Variants in TTN observed in about 807,000 individuals in gnomAD.
TTN encodes connectin.
A neutral mutation model predicts 3,223.0 loss-of-function variants in TTN; 1,525 were observed. The ratio of observed to expected loss-of-function variants is 0.47; its 90% CI spans 0.45 to 0.49. The LOEUF is 0.49. Among genes scored for constraint, TTN ranks in the 20% least tolerant of loss-of-function variants. TTN has a pLI of 0.00. For missense variants in TTN, 40,786 were observed against 43,424.0 expected, an observed-to-expected ratio of 0.94 and a Z score of 5.40; for synonymous variants, 14,094 against 15,161.0, an observed-to-expected ratio of 0.93 and a Z score of 5.17.
At position 178,779,255 on chromosome 2, in the gene TTN, T is replaced by G; in HGVS notation, c.3937A>C (p.Lys1313Gln). 6.2e-7 allele frequency: 1 copy of G among 1,613,862 alleles called. No homozygotes were observed. Among genetic ancestry groups the G allele is most frequent in the Non-Finnish European group, 8.5e-7 (1 of 1,179,852 alleles). ...LEGMGVTFHC[K>Q]MSGYPLPKIA... is the part of the protein sequence containing the mutation. ...TTTGGTAATGGATATCCAGACATCT[T>G]GCAATGAAAAGTGACACCCATCCCC... Residue 1313 changes from lysine to glutamine, a missense_variant, in exon 23 of 363, where the codon AAG (lysine) becomes CAG (glutamine). Coordinates refer to ENST00000589042, the MANE Select transcript of TTN (RefSeq NM_001267550.2).
At position 178,799,825 on chromosome 2, in the gene TTN, C is replaced by T. The variant is rs780588584; in HGVS notation, c.669G>A (p.Lys223=). 7.4e-6 allele frequency: 12 copies of T among 1,614,004 alleles called. No individual in the cohort carries two copies. Among genetic ancestry groups the T allele is most frequent in the Non-Finnish European group, 9.3e-6 (11 of 1,180,024 alleles). The change falls in exon 5 of 363, where the codon AAG becomes AAA. Residue 223 remains lysine (K), a splice_region_variant and synonymous_variant. Coordinates refer to ENST00000589042, the MANE Select transcript of TTN (RefSeq NM_001267550.2). ...GAAAACCAACAGTATAGAAAAATAC[C>T]TTTTCAATTCGGGTTTGTCTTGATT... ...ISESRQTRIE[K]KIEAHFDARS... is the part of the protein sequence containing the mutation.
chr2:178,733,640 G>A lies in TTN; in HGVS notation c.15749C>T (p.Thr5250Ile), dbSNP rs759384825. The change falls in exon 53 of 363, where the codon ACA becomes ATA. Residue 5250 changes from threonine (T) to isoleucine (I), a missense_variant. Physicochemically the swap from Thr to Ile is moderately conservative, Grantham distance 89. Coordinates refer to ENST00000589042, the MANE Select transcript of TTN (RefSeq NM_001267550.2). ...TTTAACTATTAATTCCCCAACAGAT[G>A]TTTGGCTTCCAGCTTCATTTTCAGC... ...CLAENEAGSQTSVGELIVKEP... is the reference protein window; with the variant it reads ...CLAENEAGSQISVGELIVKEP... 21 of 1,612,502 alleles carry A rather than the reference G, an allele frequency of 1.3e-5. No individual in the cohort carries two copies. In the East Asian group the frequency reaches 1.6e-4, roughly 12 times the overall value.
At position 178,552,729 on chromosome 2, in the gene TTN, A is replaced by G. The variant is rs774509104; in HGVS notation, c.90171T>C (p.Asp30057=). 4.3e-6 allele frequency: 7 copies of G among 1,613,950 alleles called. No homozygotes were observed. Among genetic ancestry groups the G allele is most frequent in the Non-Finnish European group, 5.9e-6 (7 of 1,179,840 alleles). ...VILSWTKPDF[D]GGSVITEYVV... ...CATATTCTGTGATGACGCTACCACC[A>G]TCAAAGTCAGGTTTGGTCCAGCTGA... Residue 30057 remains aspartate, a synonymous_variant, in exon 335 of 363, where the codon GAT becomes GAC. Coordinates refer to ENST00000589042, the MANE Select transcript of TTN (RefSeq NM_001267550.2).
At position 178,685,706 on chromosome 2, in the gene TTN, C is replaced by G. The variant is rs377524177; in HGVS notation, c.32312-108G>C. 3.0e-4 allele frequency: 301 copies of G among 1,020,242 alleles called. No homozygotes were observed. The African/African-American group carries it at 4.4e-3, about 15-fold the overall frequency. 63.2% of individuals were successfully genotyped at this position (1,020,242 alleles called of 1,614,324 possible). A position where few individuals can be genotyped will look rare whatever the true frequency, so the allele number is the denominator to read the frequency against. Reference sequence around the variant, plus strand: ...TAATCAAAATAGCAAAAGTTTAACCCTTGCCAAACCCCTGCTTGTTCCTAT... The same window carrying G: ...TAATCAAAATAGCAAAAGTTTAACCGTTGCCAAACCCCTGCTTGTTCCTAT... On this transcript the variant is annotated intron_variant, in intron 127 of 362. Coordinates refer to ENST00000589042, the MANE Select transcript of TTN (RefSeq NM_001267550.2).
rs777835990 is a variant in TTN, at chr2:178,701,487, AT to A, written c.30598+40del. The stretch of plus-strand genomic sequence containing the variant: ...TCGTACAGATTCCTAGTGCTAGAAT[AT>A]TGCTGCTCCAAGCTCAGATGTTGAG... On this transcript the variant is annotated intron_variant, in intron 110 of 362. Transcript: ENST00000589042. 4 of 1,592,382 alleles carry A rather than the reference AT, an allele frequency of 2.5e-6. No homozygotes were observed. In the African/African-American group the frequency reaches 5.4e-5, roughly 22 times the overall value.
intron 8 of TTN, 50 bp from the exon 9 acceptor site, chr2:178,793,591 A>C: frequency 6.2e-7 from 1 of 1,608,194 alleles, no homozygotes; most frequent in Non-Finnish European, 8.5e-7. Context: ...TCTTACATAA[A>C]AATTAGTTCA....
rs1237617416 is a variant in TTN, at chr2:178,567,682, C to T, written c.78450G>A (p.Val26150=). Residue 26150 remains valine, a synonymous_variant, in exon 326 of 363, where the codon GTG becomes GTA. Coordinates refer to ENST00000589042, the MANE Select transcript of TTN (RefSeq NM_001267550.2). ...ATCTTTGATCTTCAGTAAGACCTGA[C>T]ACAGTAAATTGAGTTTCAATGACAT... ...FTNVIETQFT[V]SGLTEDQRYE... The T allele has an allele frequency of 5.0e-6, 8 of 1,612,204 alleles. No individual in the cohort carries two copies. Among genetic ancestry groups the T allele is most frequent in the Non-Finnish European group, 6.8e-6 (8 of 1,178,746 alleles).
chr2:178,793,147 T>G (rs2093600200), intron 9 of TTN, among the ~76,000 whole-genome samples: 1 of 152,210 alleles, frequency 6.6e-6, no homozygotes, highest in African/African-American at 2.4e-5. Flanking sequence ...CATCCCCAGA[T>G]CAATGTGATG....
Position 178,593,201 on chromosome 2 carries a change from G to C in TTN, c.59007C>G (p.Ser19669=), listed in dbSNP as rs139656306. 15 of 1,613,238 alleles carry C rather than the reference G, an allele frequency of 9.3e-6. No homozygotes were observed. Among genetic ancestry groups the C allele is most frequent in the African/African-American group, 1.3e-5 (1 of 74,884 alleles). ...EIGIGDPSPP[S]KPVFAKDPIA... ...TTGGATCTTTAGCAAAGACTGGTTTGGATGGTGGGCTTGGATCTCCAATAC... is the reference window on the plus strand; with the variant it reads ...TTGGATCTTTAGCAAAGACTGGTTTCGATGGTGGGCTTGGATCTCCAATAC... Residue 19669 remains serine, a synonymous_variant, in exon 299 of 363, where the codon TCC becomes TCG. Coordinates refer to ENST00000589042, the MANE Select transcript of TTN (RefSeq NM_001267550.2).
chr2:178,665,456 T>C lies in TTN; in HGVS notation c.35964A>G (p.Pro11988=). 6.2e-7 allele frequency: 1 copy of C among 1,612,244 alleles called. No individual in the cohort carries two copies. Among genetic ancestry groups the C allele is most frequent in the Non-Finnish European group, 8.5e-7 (1 of 1,179,430 alleles). ...CAGGGACAACTTCTTTCATAGCTTCTGGTGCTTTGAAGATATTAGTATTAT... is the reference window on the plus strand; with the variant it reads ...CAGGGACAACTTCTTTCATAGCTTCCGGTGCTTTGAAGATATTAGTATTAT... The part of the protein sequence containing the change: ...LEIEIPPTKA[P]EAMKEVVPEM... Residue 11988 remains proline, a synonymous_variant, in exon 165 of 363, where the codon CCA becomes CCG. Transcript: ENST00000589042.
At chr2:178,697,664 T>C (rs145454385) in intron 112 of TTN, among the ~76,000 whole-genome samples, 64 of 152,332 alleles carry the variant, frequency 4.2e-4, no homozygotes, top group African/African-American at 1.3e-3. Context: ...TCCTTCTTTA[T>C]GGAGGTTGCT....
chr2:178,578,274 A>G, intron 321 of TTN, 89 bp from the exon 322 acceptor site: 1 of 1,165,892 alleles, frequency 8.6e-7, no homozygotes. Flanking sequence ...ACATATCCAT[A>G]TATATTGAAC....
intron 344 of TTN, 99 bp from the exon 345 acceptor site, chr2:178,544,605 T>C (rs1696169134): frequency 5.2e-6 from 5 of 968,308 alleles, no homozygotes; most frequent in Non-Finnish European, 7.7e-6. Context: ...ATTATTGCTC[T>C]TGTCCACACT....
At chr2:178,676,682 T>G (rs899767363) in intron 147 of TTN, among the ~76,000 whole-genome samples, 1 of 151,816 alleles carries the variant, frequency 6.6e-6, no homozygotes, top group African/African-American at 2.4e-5. Context: ...CTGAGAGTAA[T>G]ACAACAAGGT....
rs1322620894 is a variant in TTN, at chr2:178,581,946, G to A, written c.66423C>T (p.Pro22141=). The A allele has an allele frequency of 1.2e-6, 2 of 1,613,126 alleles. No homozygotes were observed. The highest frequency in any genetic ancestry group is 2.7e-5 in the African/African-American group (2 of 74,882). The change falls in exon 315 of 363, where the codon CCC becomes CCT. Residue 22141 remains proline, a synonymous_variant. Coordinates refer to ENST00000589042, the MANE Select transcript of TTN (RefSeq NM_001267550.2). ...TAINKAGPGK[P]SDASKAAYAR... ...CATAAGCGGCCTTGGATGCGTCACTGGGTTTGCCTGGTCCAGCTTTATTTA... is the reference window on the plus strand; with the variant it reads ...CATAAGCGGCCTTGGATGCGTCACTAGGTTTGCCTGGTCCAGCTTTATTTA...
rs377042940 is a variant in TTN at position 178,732,584 on chromosome 2, C to T, written c.16477G>A (p.Gly5493Ser). 4.3e-5 allele frequency: 69 copies of T among 1,613,610 alleles called. No individual in the cohort carries two copies. In the African/African-American group the frequency reaches 9.1e-4, roughly 21 times the overall value. The change falls in exon 56 of 363, where the codon GGT becomes AGT. Residue 5493 changes from glycine (G) to serine (S), a missense_variant. Coordinates refer to ENST00000589042, the MANE Select transcript of TTN (RefSeq NM_001267550.2). ...TCTTTGGTAATATAGCAGCTTCCACCAGAAACCAGCTCTTTGTTGCCCTTA... is the reference window on the plus strand; with the variant it reads ...TCTTTGGTAATATAGCAGCTTCCACTAGAAACCAGCTCTTTGTTGCCCTTA... ...WFKGNKELVS[G>S]GSCYITKEAL...
intron 47 of TTN, chr2:178,750,250 A>G (rs1321432060): frequency 1.2e-6 from 2 of 1,613,298 alleles, no homozygotes; most frequent in South Asian, 2.2e-5. Flanking sequence ...CCAAGTAGTC[A>G]TGGAACACTG....
Position 178,621,376 on chromosome 2 carries a change from GA to G in TTN, c.45350-9del, listed in dbSNP as rs1476980533. The G allele has an allele frequency of 6.2e-7, 1 of 1,606,734 alleles. No homozygotes were observed. The highest frequency in any genetic ancestry group is 1.1e-5 in the South Asian group (1 of 89,440). ...TAAATTCAGCAGCCAGTTCTGGGAA[GA>G]AAAAGTTACAAGATATTAGAAACAT... On this transcript the variant is annotated splice_polypyrimidine_tract_variant and intron_variant, in intron 245 of 362. Coordinates refer to ENST00000589042, the MANE Select transcript of TTN (RefSeq NM_001267550.2).
In TTN at chr2:178,724,516, C is replaced by T. The variant is rs1448984605; in HGVS notation, c.20859G>A (p.Lys6953=). 1 of 1,598,756 alleles carries T rather than the reference C, an allele frequency of 6.3e-7. No individual in the cohort carries two copies. Among genetic ancestry groups the T allele is most frequent in the Admixed American group, 1.7e-5 (1 of 58,734 alleles). The change falls in exon 72 of 363, where the codon AAG becomes AAA. Residue 6953 remains lysine (K), a synonymous_variant. Transcript: ENST00000589042. The stretch of plus-strand genomic sequence containing the variant: ...CTACAGTCACCGTCATCGGTCCTGC[C>T]TTCTCAACAATGACTGCGGGCTCTG... ...MVLEPAVIVE[K]AGPMTVTVGE...
Sources: allele counts gnomAD v4.1 joint callset (sites outside exome capture counted in the v4.1 genomes callset), GRCh38; gene constraint gnomAD v4.1.1; transcripts MANE v1.5; gene names NCBI Gene and HGNC (gene_info 2026-07-23, HGNC 2026-07-21).